IFT74: variants seen among roughly 807,000 people sequenced by gnomAD.
IFT74 encodes the protein intraflagellar transport 74, also known as intraflagellar transport protein 74 homolog.
IFT74 carries 92 observed loss-of-function variants against 96.7 expected under a neutral mutation model. The ratio of observed to expected loss-of-function variants is 0.95; its 90% CI spans 0.80 to 1.13. The LOEUF is 1.13. Among genes scored for constraint, IFT74 ranks in the 50% most tolerant of loss-of-function variants. The pLI, the probability that IFT74 is intolerant of heterozygous loss-of-function variation, is 0.00. For synonymous variants in IFT74, 223 were observed against 213.2 expected (o/e 1.05, Z -0.40); for missense variants, 811 against 698.2 (o/e 1.16, Z -1.82).
chr9:26,952,285 T>TC (rs1825959285), upstream of IFT74, among the ~76,000 whole-genome samples: 1 of 151,708 alleles, frequency 6.6e-6, no homozygotes, highest in Admixed American at 6.6e-5. Context: ...TTAACCTTTT[T>TC]TTTTTTTTTG....
rs745535168 is a variant in IFT74, at chr9:26,999,623, A to G, written c.588-9397A>G. The G allele has an allele frequency of 3.1e-6, 5 of 1,598,470 alleles. No individual in the cohort carries two copies. In the South Asian group the frequency reaches 4.5e-5, roughly 14 times the overall value. On this transcript the variant is annotated intron_variant, in intron 8 of 19. Coordinates refer to ENST00000380062, the MANE Select transcript of IFT74 (RefSeq NM_025103.4). ...GATTGTAAAAACTTACTCTTTTAGA[A>G]GACTGGATTTTGTCTGATAATAATA...
chr9:26,987,322 C>T (rs941177215), intron 6 of IFT74, among the ~76,000 whole-genome samples: 6 of 152,042 alleles, frequency 3.9e-5, no homozygotes, highest in Non-Finnish European at 8.8e-5. Context: ...AAACTCCTGA[C>T]CTCGTGATCC....
intron 3 of IFT74, among the ~76,000 whole-genome samples, chr9:26,979,905 G>A (rs2131529624): frequency 6.6e-6 from 1 of 151,608 alleles, no homozygotes; most frequent in East Asian, 1.9e-4. Flanking sequence ...AGTAGAGATG[G>A]GGTTTCACCA....
intron 8 of IFT74, chr9:26,993,929 C>T (rs1201873992): frequency 6.6e-6 from 1 of 152,136 alleles, no homozygotes; most frequent in Non-Finnish European, 1.5e-5. Flanking sequence ...AATTTCTCTG[C>T]ATATGAAGGT....
intron 17 of IFT74, 59 bp downstream of exon 17, chr9:27,055,831 T>C: frequency 9.0e-7 from 1 of 1,106,370 alleles, no homozygotes; most frequent in Non-Finnish European, 1.2e-6. Context: ...CTTGATCAAA[T>C]GTAATATATT....
Position 26,982,643 on chromosome 9 carries a change from C to T in IFT74, c.306-1614C>T, listed in dbSNP as rs574515100. Reference sequence around the variant, plus strand: ...GCTAATTTTGTATTTTTAGTTCAGACGAGGTTTCTCAATGTTGGTCAGGCT... The same window carrying T: ...GCTAATTTTGTATTTTTAGTTCAGATGAGGTTTCTCAATGTTGGTCAGGCT... On this transcript the variant is annotated intron_variant, in intron 4 of 19. Transcript: ENST00000380062. Among the ~76,000 whole-genome samples, 8 of 151,912 alleles carry T rather than the reference C, an allele frequency of 5.3e-5. No homozygotes were observed. In the East Asian group the frequency reaches 5.8e-4, roughly 11 times the overall value.
intron 13 of IFT74, among the ~76,000 whole-genome samples, chr9:27,029,515 A>G (rs1830023542): frequency 6.6e-6 from 1 of 152,050 alleles, no homozygotes; most frequent in Non-Finnish European, 1.5e-5. Flanking sequence ...TGGGAAGCTG[A>G]GGCGGGCAGA....
chr9:27,062,548 A>G, intron 19 of IFT74, 70 bp from the exon 20 acceptor site: 2 of 808,268 alleles, frequency 2.5e-6, no homozygotes, highest in East Asian at 2.7e-5. Flanking sequence ...AAATGTCAGT[A>G]TTTAGTTCCT....
At chr9:26,972,636 C>A (rs537270429) in intron 2 of IFT74, among the ~76,000 whole-genome samples, 1 of 152,130 alleles carries the variant, frequency 6.6e-6, no homozygotes, top group African/African-American at 2.4e-5. Context: ...GTTTTTCATA[C>A]AAAAATTTAC....
At position 27,024,870 on chromosome 9, in the gene IFT74, T is replaced by G. The variant is rs578188641; in HGVS notation, c.975-4155T>G. ...CACACTTTGAGAAATGCAAAATACA[T>G]TGGAAAGTTTCAACGATAGAATCAA... On this transcript the variant is annotated intron_variant, in intron 12 of 19. Coordinates refer to ENST00000380062, the MANE Select transcript of IFT74 (RefSeq NM_025103.4). Among the ~76,000 whole-genome samples, 21 of 151,178 alleles carry G rather than the reference T, an allele frequency of 1.4e-4. 1 individual carries two copies. The highest frequency in any genetic ancestry group is 8.4e-4 in the South Asian group (4 of 4,776).
At chr9:27,007,987 C>T (rs1012038440) in intron 8 of IFT74, among the ~76,000 whole-genome samples, 9 of 152,120 alleles carry the variant, frequency 5.9e-5, no homozygotes, top group Non-Finnish European at 1.3e-4. Flanking sequence ...ATTGGTATTT[C>T]TTTTGATTAC....
intron 1 of IFT74, among the ~76,000 whole-genome samples, chr9:26,948,910 C>G (rs933270639): frequency 2.0e-5 from 3 of 152,086 alleles, no homozygotes; most frequent in Non-Finnish European, 1.5e-5. Flanking sequence ...ATGCTGTATG[C>G]TCTCCATGTC....
intron 13 of IFT74, among the ~76,000 whole-genome samples, chr9:27,044,267 A>T (rs1819598010): frequency 6.6e-6 from 1 of 152,226 alleles, no homozygotes; most frequent in Non-Finnish European, 1.5e-5. Context: ...CTTTCTCTGT[A>T]ACCCTAACCT....
intron 11 of IFT74, among the ~76,000 whole-genome samples, chr9:27,017,561 C>T (rs1281343731): frequency 6.6e-6 from 1 of 152,064 alleles, no homozygotes; most frequent in African/African-American, 2.4e-5. Flanking sequence ...GCTAACTTTT[C>T]CTTATTAGGA....
At chr9:27,021,296 G>A (rs767325469) in intron 12 of IFT74, among the ~76,000 whole-genome samples, 5 of 152,036 alleles carry the variant, frequency 3.3e-5, no homozygotes, top group African/African-American at 7.2e-5. Context: ...GTCAACATGC[G>A]TGTGCAAGTG....
At chr9:27,021,300 G>T (rs1829590272) in intron 12 of IFT74, among the ~76,000 whole-genome samples, 1 of 152,082 alleles carries the variant, frequency 6.6e-6, no homozygotes, top group Admixed American at 6.6e-5. Flanking sequence ...ACATGCGTGT[G>T]CAAGTGTCTT....
intron 16 of IFT74, among the ~76,000 whole-genome samples, chr9:27,051,031 C>G (rs1364483481): frequency 6.6e-6 from 1 of 152,122 alleles, no homozygotes; most frequent in Non-Finnish European, 1.5e-5. Flanking sequence ...ATTATCCTAC[C>G]TAGTGTGACT....
At chr9:26,948,451 T>TTATTATTATTA (rs1563926466) in intron 1 of IFT74, among the ~76,000 whole-genome samples, 66 of 22,240 alleles carry the variant, frequency 3.0e-3, no homozygotes, top group South Asian at 0.014. Flanking sequence ...TTCCATTATT[T>TTATTATTATTA]TTTTTTTTTT....
At chr9:26,983,798 T>TC (rs1827496849) in intron 4 of IFT74, 1 of 149,498 alleles carries the variant, frequency 6.7e-6, no homozygotes. Flanking sequence ...TTTTTTTTTT[T>TC]TCTGAGATGG....
Sources: gnomAD v4.1 joint callset for allele counts (sites outside exome capture counted in the v4.1 genomes callset) on GRCh38, gnomAD v4.1.1 for gene constraint, MANE v1.5 for transcripts, NCBI Gene and HGNC (gene_info 2026-07-23, HGNC 2026-07-21) for gene names.